Variants in SORCS1 observed in about 807,000 individuals in gnomAD.
SORCS1 encodes VPS10 domain-containing receptor SorCS1.
In SORCS1, 60 loss-of-function variants were observed where a neutral mutation model predicts 146.1. The ratio of observed to expected loss-of-function variants is 0.41; its 90% CI spans 0.33 to 0.51. The LOEUF is 0.51. Among genes scored for constraint, SORCS1 ranks in the 20% least tolerant of loss-of-function variants. The pLI is 0.21. For synonymous variants in SORCS1, 637 were observed against 584.0 expected (o/e 1.09, Z -1.31); for missense variants, 1,352 against 1,487.6 (o/e 0.91, Z 1.50).
chr10:106,989,670 GT>G (rs1335278625), intron 1 of SORCS1, among the ~76,000 whole-genome samples: 5 of 116,436 alleles, frequency 4.3e-5, no homozygotes, highest in South Asian at 4.9e-4. Context: ...TATTTTTTCT[GT>G]TTTTTTTTGT....
intron 1 of SORCS1, among the ~76,000 whole-genome samples, chr10:107,058,869 C>G (rs898887788): frequency 1.3e-5 from 2 of 152,184 alleles, no homozygotes; most frequent in Non-Finnish European, 2.9e-5. Context: ...CAATTTAAAG[C>G]ATTTCAAATC....
intron 2 of SORCS1, among the ~76,000 whole-genome samples, chr10:106,849,406 G>A (rs1287514984): frequency 2.7e-5 from 4 of 146,398 alleles, no homozygotes; most frequent in Admixed American, 1.4e-4. Flanking sequence ...CATTCTTCAG[G>A]TAGTTCTTGA....
intron 1 of SORCS1, among the ~76,000 whole-genome samples, chr10:107,065,510 C>CTCCTCTCCTCTCCTCTCCTCTCTTTCTT (rs71025577): frequency 1.2e-5 from 1 of 86,424 alleles, no homozygotes; most frequent in African/African-American, 5.2e-5. Context: ...CTCCTCTCCT[C>CTCCTCTCCTCTCCTCTCCTCTCTTTCTT]TCTTTCTTTC....
chr10:106,925,648 TCA>T (rs1372155697), intron 2 of SORCS1, among the ~76,000 whole-genome samples: 6 of 152,340 alleles, frequency 3.9e-5, no homozygotes, highest in African/African-American at 1.4e-4. Flanking sequence ...CAACAAGCTT[TCA>T]CTTTTATATC....
intron 18 of SORCS1, among the ~76,000 whole-genome samples, chr10:106,651,410 C>A (rs1589570819): frequency 6.6e-6 from 1 of 152,068 alleles, no homozygotes; most frequent in African/African-American, 2.4e-5. Flanking sequence ...AATGTATATT[C>A]TTGGGCCCTA....
In SORCS1 at chr10:107,049,964, G is replaced by A. The variant is rs183421457; in HGVS notation, c.559-93384C>T. On this transcript the variant is annotated intron_variant, in intron 1 of 25. Coordinates refer to ENST00000263054, the MANE Select transcript of SORCS1 (RefSeq NM_052918.5). The stretch of plus-strand genomic sequence containing the variant: ...TAATATATCTCAGCTTAGAAGTTTC[G>A]CTTCAAGCCCATTTAATGAGGGATA... 4.7e-4 allele frequency among the ~76,000 whole-genome samples: 72 copies of A among 152,208 alleles called. 1 individual carries two copies. The highest frequency in any genetic ancestry group is 3.4e-3 in the Middle Eastern group (1 of 294).
intron 1 of SORCS1, among the ~76,000 whole-genome samples, chr10:107,021,896 T>C (rs1434438850): frequency 6.6e-6 from 1 of 152,158 alleles, no homozygotes; most frequent in Non-Finnish European, 1.5e-5. Flanking sequence ...TATAAATACT[T>C]TATATTAAGA....
At chr10:106,808,997 G>C (rs1947325352) in intron 3 of SORCS1, among the ~76,000 whole-genome samples, 1 of 152,136 alleles carries the variant, frequency 6.6e-6, no homozygotes, top group Admixed American at 6.6e-5. Context: ...AAGCCTGCAG[G>C]AATCTGGAAG....
intron 2 of SORCS1, among the ~76,000 whole-genome samples, chr10:106,852,235 T>C (rs1589554005): frequency 6.6e-6 from 1 of 152,188 alleles, no homozygotes; most frequent in South Asian, 2.1e-4. Context: ...TGAGGAGATA[T>C]TCTTGCCTTG....
At chr10:106,688,415 G>A in intron 9 of SORCS1, 77 bp from the exon 10 acceptor site, 1 of 1,527,840 alleles carries the variant, frequency 6.5e-7, no homozygotes, top group Non-Finnish European at 8.8e-7. Context: ...AAAAAAGAAG[G>A]CTGTCAAAGT....
At chr10:106,612,252 A>G (rs1847044114) in intron 21 of SORCS1, among the ~76,000 whole-genome samples, 1 of 152,028 alleles carries the variant, frequency 6.6e-6, no homozygotes, top group Non-Finnish European at 1.5e-5. Flanking sequence ...GGTAGAAGAA[A>G]GAAGGAAGAA....
At chr10:107,048,101 CTT>C (rs1234475134) in intron 1 of SORCS1, among the ~76,000 whole-genome samples, 1 of 151,944 alleles carries the variant, frequency 6.6e-6, no homozygotes, top group African/African-American at 2.4e-5. Flanking sequence ...AACAAAAAGA[CTT>C]TACTCTCTGG....
At chr10:106,823,223 C>A (rs1369303946) in intron 3 of SORCS1, among the ~76,000 whole-genome samples, 1 of 152,148 alleles carries the variant, frequency 6.6e-6, no homozygotes, top group Non-Finnish European at 1.5e-5. Flanking sequence ...TCATGCACCC[C>A]CTTTGATGTA....
intron 1 of SORCS1, among the ~76,000 whole-genome samples, chr10:107,135,357 A>G (rs1015142711): frequency 1.3e-5 from 2 of 152,264 alleles, no homozygotes; most frequent in Non-Finnish European, 2.9e-5. Context: ...AATGCACTGA[A>G]GTATAAAAAT....
chr10:106,860,507 C>G (rs891572869), intron 2 of SORCS1, among the ~76,000 whole-genome samples: 42 of 152,214 alleles, frequency 2.8e-4, no homozygotes, highest in Admixed American at 2.6e-3. Context: ...ACTGAGTTCT[C>G]TAACATCGCA....
intron 1 of SORCS1, among the ~76,000 whole-genome samples, chr10:107,141,479 G>A (rs972142510): frequency 4.0e-5 from 6 of 149,552 alleles, no homozygotes; most frequent in Admixed American, 1.3e-4. Context: ...CAAAAAGGTA[G>A]TAGTTATGTA....
chr10:106,764,679 T>C (rs999481914), intron 4 of SORCS1, among the ~76,000 whole-genome samples: 1 of 152,122 alleles, frequency 6.6e-6, no homozygotes, highest in Non-Finnish European at 1.5e-5. Context: ...GTACTTAAAC[T>C]AGTTTTAGGA....
intron 3 of SORCS1, among the ~76,000 whole-genome samples, chr10:106,790,698 T>C (rs1320952460): frequency 1.3e-5 from 2 of 152,136 alleles, no homozygotes; most frequent in East Asian, 1.9e-4. Flanking sequence ...TATGGGACTA[T>C]TGGGTTGGTT....
chr10:106,832,573 G>C (rs528612053), intron 2 of SORCS1, among the ~76,000 whole-genome samples: 1 of 151,876 alleles, frequency 6.6e-6, no homozygotes, highest in Non-Finnish European at 1.5e-5. Flanking sequence ...TGTGTCTCCC[G>C]CATCTTGCTA....
Sources: allele counts gnomAD v4.1 joint callset (sites outside exome capture counted in the v4.1 genomes callset), GRCh38; gene constraint gnomAD v4.1.1; transcripts MANE v1.5; gene names NCBI Gene and HGNC (gene_info 2026-07-23, HGNC 2026-07-21).